Variants in DRAM1 observed in about 807,000 individuals in gnomAD.
DRAM1 encodes DNA damage-regulated autophagy modulator protein 1.
In DRAM1, 25 loss-of-function variants were observed where a neutral mutation model predicts 28.5. That is an observed-to-expected ratio of 0.88 (90% CI 0.64 to 1.23). The LOEUF (loss-of-function observed/expected upper bound fraction) is 1.23, where lower values mean the gene tolerates loss of function less well. Among genes scored for constraint, DRAM1 ranks in the 50% most tolerant of loss-of-function variants. The pLI, the probability that DRAM1 is intolerant of heterozygous loss-of-function variation, is 0.00. For missense variants in DRAM1, 249 were observed against 299.2 expected, an observed-to-expected ratio of 0.83 and a Z score of 1.24; for synonymous variants, 113 against 114.2, an observed-to-expected ratio of 0.99 and a Z score of 0.07.
chr12:101,902,441 A>G (rs917439800), intron 3 of DRAM1, among the ~76,000 whole-genome samples: 14 of 152,214 alleles, frequency 9.2e-5, no homozygotes, highest in African/African-American at 3.4e-4. Flanking sequence ...TCTGTGACAA[A>G]AAAACCAAGT....
chr12:101,919,108 G>A (rs1345266226), intron 5 of DRAM1, among the ~76,000 whole-genome samples: 1 of 151,554 alleles, frequency 6.6e-6, no homozygotes, highest in Non-Finnish European at 1.5e-5. Flanking sequence ...GTCTCGTTAT[G>A]TTGCCCAGGC....
intron 1 of DRAM1, among the ~76,000 whole-genome samples, chr12:101,891,092 A>G (rs1873111753): frequency 6.6e-6 from 1 of 152,216 alleles, no homozygotes; most frequent in Non-Finnish European, 1.5e-5. Flanking sequence ...TGAAGCTGCC[A>G]GAAAGTTAGC....
chr12:101,895,443 C>A (rs913683933), intron 1 of DRAM1, among the ~76,000 whole-genome samples: 6 of 150,510 alleles, frequency 4.0e-5, no homozygotes, highest in African/African-American at 4.9e-5. Flanking sequence ...CCACAGAAGT[C>A]CTGGAATTAC....
intron 4 of DRAM1, among the ~76,000 whole-genome samples, chr12:101,912,001 C>A (rs1251520409): frequency 6.6e-6 from 1 of 152,052 alleles, no homozygotes; most frequent in East Asian, 1.9e-4. Context: ...GAGTTCGAGA[C>A]CAGCCTGGCT....
intron 4 of DRAM1, among the ~76,000 whole-genome samples, chr12:101,911,570 G>A (rs1231642310): frequency 6.6e-6 from 1 of 152,086 alleles, no homozygotes; most frequent in Admixed American, 6.6e-5. Context: ...ATCTCTACTT[G>A]GCTGGATTAT....
At chr12:101,895,328 G>A (rs1873318702) in intron 1 of DRAM1, among the ~76,000 whole-genome samples, 1 of 149,092 alleles carries the variant, frequency 6.7e-6, no homozygotes, top group Non-Finnish European at 1.5e-5. Flanking sequence ...CAGGCACGCT[G>A]TACCATGCCC....
At chr12:101,893,029 ATGG>A (rs1873198187) in intron 1 of DRAM1, among the ~76,000 whole-genome samples, 2 of 152,340 alleles carry the variant, frequency 1.3e-5, no homozygotes, top group Non-Finnish European at 2.9e-5. Flanking sequence ...TCAGGCATTG[ATGG>A]TGGGTGTTAT....
chr12:101,912,648 G>A (rs1754197878), intron 4 of DRAM1, among the ~76,000 whole-genome samples: 1 of 152,060 alleles, frequency 6.6e-6, no homozygotes, highest in African/African-American at 2.4e-5. Context: ...ATTAAACTCT[G>A]CACAATTTGC....
intron 1 of DRAM1, among the ~76,000 whole-genome samples, chr12:101,886,601 T>G (rs1162491357): frequency 2.6e-5 from 4 of 152,234 alleles, no homozygotes; most frequent in Non-Finnish European, 5.9e-5. Context: ...GGTTAACTGA[T>G]GAATTTGTTC....
chr12:101,914,377 C>T (rs1874154369), intron 5 of DRAM1, 145 bp downstream of exon 5: 3 of 498,208 alleles, frequency 6.0e-6, no homozygotes, highest in Non-Finnish European at 7.1e-6. Context: ...ATTTACTGTC[C>T]AATCATTTGG....
chr12:101,919,305 C>CACAT (rs1295627746), intron 5 of DRAM1, among the ~76,000 whole-genome samples: 9 of 151,138 alleles, frequency 6.0e-5, no homozygotes, highest in Middle Eastern at 3.4e-3. Flanking sequence ...CACACACACA[C>CACAT]GGTTTTGTTT....
At chr12:101,897,099 CATA>C (rs1873405557) in intron 1 of DRAM1, among the ~76,000 whole-genome samples, 1 of 151,278 alleles carries the variant, frequency 6.6e-6, no homozygotes, top group South Asian at 2.1e-4. Flanking sequence ...AGATTTTTAT[CATA>C]ATATTTTCAG....
rs142445750 is a variant in DRAM1 at position 101,908,508 on chromosome 12, C to T, written c.520+145C>T. The T allele has an allele frequency of 2.8e-5, 22 of 799,988 alleles. No homozygotes were observed. In the Admixed American group the frequency reaches 3.6e-4, roughly 13 times the overall value. The allele number at this position is 799,988 out of a possible 1,614,324, so 49.6% of individuals were successfully genotyped here. On this transcript the variant is annotated intron_variant, in intron 4 of 6. Coordinates refer to ENST00000258534, the MANE Select transcript of DRAM1 (RefSeq NM_018370.3). ...AGATTGGGCTCAACTCTGAATACAG[C>T]ATTGGCAAGTGCGAATCTATAGCCA...
Position 101,877,770 on chromosome 12 carries a change from TCGGCGG to T in DRAM1, c.-8_-3del. 2.0e-6 allele frequency: 3 copies of T among 1,477,458 alleles called. No homozygotes were observed. The highest frequency in any genetic ancestry group is 2.9e-5 in the East Asian group (1 of 34,914). The allele number at this position is 1,477,458 out of a possible 1,614,324, so 91.5% of individuals were successfully genotyped here. On this transcript the variant is annotated 5_prime_UTR_variant, in exon 1 of 7. Transcript: ENST00000258534. The surrounding 1 kb of genome is among the most constrained non-coding windows in gnomAD (Gnocchi z 4.1). ...CGGCCCCGCTGGGCGCAGCACTCCG[TCGGCGG>T]CGGCGGCGGCGCGATGCTGTGCTTC...
At chr12:101,893,857 TTTAC>T in intron 1 of DRAM1, among the ~76,000 whole-genome samples, 2 of 151,928 alleles carry the variant, frequency 1.3e-5, no homozygotes, top group Non-Finnish European at 1.5e-5. Context: ...GTTTTATTTA[TTTAC>T]TTATTTATTT....
At chr12:101,881,759 C>T (rs1872694004) in intron 1 of DRAM1, among the ~76,000 whole-genome samples, 1 of 152,280 alleles carries the variant, frequency 6.6e-6, no homozygotes, top group South Asian at 2.1e-4. Context: ...CCCTGATCAC[C>T]CTTTTTAAAA....
intron 2 of DRAM1, among the ~76,000 whole-genome samples, chr12:101,898,815 T>A (rs1261183060): frequency 2.6e-5 from 4 of 152,214 alleles, no homozygotes; most frequent in Non-Finnish European, 5.9e-5. Context: ...AGGAATAGTA[T>A]GATTTTTCTT....
At chr12:101,883,401 G>A (rs1872760053) in intron 1 of DRAM1, among the ~76,000 whole-genome samples, 1 of 145,412 alleles carries the variant, frequency 6.9e-6, no homozygotes, top group Non-Finnish European at 1.5e-5. Context: ...CACAACCTCC[G>A]CCTCCCGGGT....
intron 1 of DRAM1, among the ~76,000 whole-genome samples, chr12:101,894,441 A>G (rs1396392727): frequency 6.6e-6 from 1 of 152,044 alleles, no homozygotes; most frequent in Non-Finnish European, 1.5e-5. Context: ...TTGTAGAGAC[A>G]GGGTTTCACC....
Sources: allele counts gnomAD v4.1 joint callset (sites outside exome capture counted in the v4.1 genomes callset), GRCh38; gene constraint gnomAD v4.1.1; non-coding constraint Gnocchi (gnomAD v3.1); transcripts MANE v1.5; gene names NCBI Gene and HGNC (gene_info 2026-07-23, HGNC 2026-07-21).